The following USP34 variants were observed in gnomAD, a reference collection of about 807,000 sequenced individuals.
USP34 encodes ubiquitin carboxyl-terminal hydrolase 34.
A neutral mutation model predicts 460.3 loss-of-function variants in USP34; 70 were observed. The ratio of observed to expected loss-of-function variants is 0.15; its 90% CI spans 0.13 to 0.19. USP34 has a LOEUF of 0.19. Ranked by LOEUF, USP34 falls within the 10% of genes least tolerant of loss-of-function variation. USP34 has a pLI of 1.00. For synonymous variants in USP34, 1,647 were observed against 1,405.3 expected (o/e 1.17, Z -3.85); for missense variants, 3,985 against 4,236.2 (o/e 0.94, Z 1.65).
intron 2 of USP34, chr2:61,416,821 T>TGGG (rs55720314): frequency 0.062 from 13,323 of 215,606 alleles, 445 homozygotes; most frequent in Non-Finnish European, 0.077. Flanking sequence ...TTTTTTTTTT[T>TGGG]GGGGGGGGGG....
At chr2:61,362,448 TATAC>T (rs1288110905) in intron 10 of USP34, among the ~76,000 whole-genome samples, 1 of 152,164 alleles carries the variant, frequency 6.6e-6, no homozygotes, top group African/African-American at 2.4e-5. Context: ...GTGGTGTACA[TATAC>T]ATACACACAT....
chr2:61,420,067 G>C (rs1694312775), intron 2 of USP34, among the ~76,000 whole-genome samples: 2 of 152,246 alleles, frequency 1.3e-5, no homozygotes, highest in African/African-American at 2.4e-5. Context: ...GTATACCTCA[G>C]AACATTCATT....
At chr2:61,242,596 G>A (rs183594487) in intron 51 of USP34, among the ~76,000 whole-genome samples, 46 of 152,104 alleles carry the variant, frequency 3.0e-4, no homozygotes, top group Non-Finnish European at 4.4e-5. Flanking sequence ...AGGACAAAAG[G>A]AGGCTGAACA....
Position 61,344,040 on chromosome 2 carries a change from G to A in USP34, c.2286-11C>T. On this transcript the variant is annotated splice_polypyrimidine_tract_variant and intron_variant, in intron 15 of 79. Transcript: ENST00000398571. ...TCATCAACCATATGCCTACAAAACA[G>A]AGAAAAGCACAAAGTTAGTAATTAC... 1 of 1,609,928 alleles carries A rather than the reference G, an allele frequency of 6.2e-7. No homozygotes were observed. The highest frequency in any genetic ancestry group is 1.1e-5 in the South Asian group (1 of 90,634).
chr2:61,417,739 C>CTTTTTT (rs1694237952), intron 2 of USP34, among the ~76,000 whole-genome samples: 1 of 81,094 alleles, frequency 1.2e-5, no homozygotes, highest in South Asian at 4.2e-4. Context: ...TTCTTTTTTT[C>CTTTTTT]TTTTCTTTTT....
chr2:61,462,652 G>C (rs1020286073), intron 1 of USP34, among the ~76,000 whole-genome samples: 8 of 151,932 alleles, frequency 5.3e-5, no homozygotes, highest in Non-Finnish European at 7.4e-5. Flanking sequence ...CTTGAGGCCA[G>C]GAGTTTGAGA....
Position 61,292,484 on chromosome 2 carries a change from C to T in USP34, c.4548+980G>A, listed in dbSNP as rs777840568. Among the ~76,000 whole-genome samples, 23 of 152,192 alleles carry T rather than the reference C, an allele frequency of 1.5e-4. 1 individual carries two copies. Among genetic ancestry groups the T allele is most frequent in the Admixed American group, 1.3e-4 (2 of 15,292 alleles). On this transcript the variant is annotated intron_variant, in intron 33 of 79. Transcript: ENST00000398571. ...AAACAAACAGAGAAAACCTTTAGTACGGGGGTGTCCAATCTTTTGGCTTCC... is the reference window on the plus strand; with the variant it reads ...AAACAAACAGAGAAAACCTTTAGTATGGGGGTGTCCAATCTTTTGGCTTCC...
At chr2:61,196,507 G>C (rs1006479308) in intron 75 of USP34, among the ~76,000 whole-genome samples, 5 of 152,028 alleles carry the variant, frequency 3.3e-5, no homozygotes, top group African/African-American at 1.2e-4. Flanking sequence ...TTATGGGCAT[G>C]AGCCATGGCA....
intron 16 of USP34, among the ~76,000 whole-genome samples, chr2:61,342,985 A>C (rs1691652569): frequency 6.6e-6 from 1 of 152,224 alleles, no homozygotes; most frequent in Non-Finnish European, 1.5e-5. Context: ...AAGTCAAAGT[A>C]ACTTAACCTA....
intron 1 of USP34, among the ~76,000 whole-genome samples, chr2:61,464,433 A>C (rs1695702546): frequency 6.6e-6 from 1 of 152,254 alleles, no homozygotes; most frequent in South Asian, 2.1e-4. Flanking sequence ...TGATCTTGGC[A>C]AACTACTTAT....
rs369130574 is a variant in USP34 at position 61,339,689 on chromosome 2, GAA to G, written c.2501-10_2501-9del. On this transcript the variant is annotated splice_polypyrimidine_tract_variant and intron_variant, in intron 16 of 79. Transcript: ENST00000398571. ...GTTTATGAACTACAGGTCCTGAAGA[GAA>G]AAAAAAAAAAAAGACACACTATAGA... 0.014 allele frequency: 13,587 copies of G among 954,842 alleles called. No homozygotes were observed. Among genetic ancestry groups the G allele is most frequent in the South Asian group, 0.027 (875 of 33,008 alleles). The allele number at this position is 954,842 out of a possible 1,614,324, so 59.1% of individuals were successfully genotyped here.
intron 41 of USP34, among the ~76,000 whole-genome samples, chr2:61,273,752 A>C (rs1291065788): frequency 6.6e-6 from 1 of 152,200 alleles, no homozygotes; most frequent in African/African-American, 2.4e-5. Context: ...CAGGATATTA[A>C]ATCTACATAA....
At chr2:61,198,519 C>A (rs954145317) in intron 75 of USP34, among the ~76,000 whole-genome samples, 2 of 151,696 alleles carry the variant, frequency 1.3e-5, no homozygotes, top group Non-Finnish European at 2.9e-5. Flanking sequence ...TTCCCCAAAC[C>A]ATATGGGTAT....
At chr2:61,334,676 T>C (rs942072484) in intron 18 of USP34, among the ~76,000 whole-genome samples, 1 of 152,172 alleles carries the variant, frequency 6.6e-6, no homozygotes, top group Non-Finnish European at 1.5e-5. Context: ...TAAAATGCAA[T>C]GTGGAAGCAA....
intron 1 of USP34, among the ~76,000 whole-genome samples, chr2:61,433,902 G>C (rs1036937941): frequency 7.2e-5 from 11 of 152,120 alleles, no homozygotes; most frequent in Non-Finnish European, 2.9e-5. Flanking sequence ...TTACACCAAG[G>C]CCACACAGGT....
At position 61,245,297 on chromosome 2, in the gene USP34, G is replaced by C; in HGVS notation, c.6549-9C>G. On this transcript the variant is annotated splice_polypyrimidine_tract_variant and intron_variant, in intron 50 of 79. Transcript: ENST00000398571. The stretch of plus-strand genomic sequence containing the variant: ...CATCATTAAAAAGATACCTAAAATA[G>C]AGCATATAGTATTAATCTAGTATGC... 6.3e-7 allele frequency: 1 copy of C among 1,575,918 alleles called. No individual in the cohort carries two copies. The highest frequency in any genetic ancestry group is 8.7e-7 in the Non-Finnish European group (1 of 1,150,960).
chr2:61,465,485 A>G (rs1451940884), intron 1 of USP34, among the ~76,000 whole-genome samples: 3 of 152,224 alleles, frequency 2.0e-5, no homozygotes, highest in Non-Finnish European at 4.4e-5. Flanking sequence ...CTCTTATCAA[A>G]AAGTCTGTGC....
intron 21 of USP34, among the ~76,000 whole-genome samples, chr2:61,322,370 G>C (rs1245183965): frequency 1.3e-5 from 2 of 152,198 alleles, no homozygotes; most frequent in African/African-American, 4.8e-5. Flanking sequence ...GAGAAAATCT[G>C]TACTGTACCC....
At chr2:61,448,555 G>C (rs1176570885) in intron 1 of USP34, among the ~76,000 whole-genome samples, 1 of 152,142 alleles carries the variant, frequency 6.6e-6, no homozygotes, top group African/African-American at 2.4e-5. Context: ...GATAACCACT[G>C]ATCAAGCCAA....
Sources: allele counts gnomAD v4.1 joint callset (sites outside exome capture counted in the v4.1 genomes callset), GRCh38; gene constraint gnomAD v4.1.1; transcripts MANE v1.5; gene names NCBI Gene and HGNC (gene_info 2026-07-23, HGNC 2026-07-21).